FGF14: variants seen among roughly 807,000 people sequenced by gnomAD.
The protein encoded by FGF14 is fibroblast growth factor homologous factor 4.
Under a neutral mutation model 25.5 loss-of-function variants are expected in FGF14, and 5 were observed. The observed-to-expected ratio is 0.20, with a 90% CI of 0.10 to 0.41. The LOEUF is 0.41. FGF14 is among the 10% of genes least tolerant of loss of function. The probability of loss-of-function intolerance (pLI) is 1.00; values close to 1 mark genes in which losing one functional copy is unlikely to be tolerated. For missense variants in FGF14, 222 were observed against 320.1 expected (o/e 0.69, Z 2.34); for synonymous variants, 138 against 118.3 (o/e 1.17, Z -1.08).
intron 1 of FGF14, among the ~76,000 whole-genome samples, chr13:102,378,613 A>ATCTC (rs1566973625): frequency 2.3e-5 from 3 of 131,836 alleles, no homozygotes; most frequent in Admixed American, 1.5e-4. Context: ...CTATCTATCT[A>ATCTC]TCTATCTATC....
At chr13:102,207,915 T>A (rs2050004167) in intron 1 of FGF14, among the ~76,000 whole-genome samples, 1 of 152,184 alleles carries the variant, frequency 6.6e-6, no homozygotes, top group Non-Finnish European at 1.5e-5. Context: ...CTAAATCACA[T>A]CAGCTCATAA....
rs189594777 is a variant in FGF14 at position 101,907,038 on chromosome 13, A to C, written c.193+9415T>G. On this transcript the variant is annotated intron_variant, in intron 1 of 4. Transcript: ENST00000376143. ...AAGCAAACTAATATTTTAGTTTGCC[A>C]ATGATTATTTGCTATGATAGTAATT... Among the ~76,000 whole-genome samples the C allele has an allele frequency of 5.3e-4, 81 of 152,266 alleles. 1 individual carries two copies. Among genetic ancestry groups the C allele is most frequent in the South Asian group, 1.9e-3 (9 of 4,818 alleles).
chr13:101,961,156 A>C (rs1178273441), intron 1 of FGF14, among the ~76,000 whole-genome samples: 2 of 152,084 alleles, frequency 1.3e-5, no homozygotes, highest in Non-Finnish European at 2.9e-5. Context: ...CTCTGATGAC[A>C]GTTTCTTTCA....
At chr13:102,011,502 T>C (rs1046487165) in intron 1 of FGF14, among the ~76,000 whole-genome samples, 2 of 151,558 alleles carry the variant, frequency 1.3e-5, no homozygotes, top group African/African-American at 2.4e-5. Flanking sequence ...AGTATGAAGC[T>C]TATCCATAGC....
intron 1 of FGF14, among the ~76,000 whole-genome samples, chr13:101,978,366 C>T (rs183633671): frequency 6.6e-6 from 1 of 152,272 alleles, no homozygotes; most frequent in East Asian, 1.9e-4. Flanking sequence ...TCTGCCTAAT[C>T]TGCATAGGAG....
At chr13:101,738,615 C>T (rs374112347) in intron 3 of FGF14, among the ~76,000 whole-genome samples, 3 of 151,878 alleles carry the variant, frequency 2.0e-5, no homozygotes, top group African/African-American at 7.2e-5. Context: ...AAAGAGAGAC[C>T]CTGAGGAGGG....
chr13:102,252,224 T>A (rs925844493), intron 1 of FGF14, among the ~76,000 whole-genome samples: 7 of 152,196 alleles, frequency 4.6e-5, no homozygotes, highest in African/African-American at 1.7e-4. Flanking sequence ...ATGCACTTTT[T>A]TACATGGCTG....
intron 1 of FGF14, among the ~76,000 whole-genome samples, chr13:102,004,771 C>T (rs1013788742): frequency 1.3e-5 from 2 of 152,082 alleles, no homozygotes; most frequent in African/African-American, 2.4e-5. Context: ...GGCTGTAACC[C>T]CCATGCTGCT....
intron 1 of FGF14, among the ~76,000 whole-genome samples, chr13:102,256,486 A>C (rs988954511): frequency 6.6e-6 from 1 of 152,178 alleles, no homozygotes; most frequent in African/African-American, 2.4e-5. Context: ...TGACAGAGCG[A>C]GACCCTGTCT....
intron 1 of FGF14, among the ~76,000 whole-genome samples, chr13:102,088,344 C>A (rs541048037): frequency 4.6e-5 from 7 of 152,090 alleles, no homozygotes; most frequent in Non-Finnish European, 1.0e-4. Flanking sequence ...CTGTGCTAAG[C>A]AGAGAGAATT....
intron 1 of FGF14, among the ~76,000 whole-genome samples, chr13:102,205,578 AT>A (rs2049868477): frequency 6.6e-6 from 1 of 152,092 alleles, no homozygotes; most frequent in Non-Finnish European, 1.5e-5. Flanking sequence ...GGAGGAATTA[AT>A]AAACCACAGG....
chr13:102,167,066 C>T (rs758610503), intron 1 of FGF14, among the ~76,000 whole-genome samples: 3 of 151,862 alleles, frequency 2.0e-5, no homozygotes. Context: ...TTTGGGAGGC[C>T]GAGGCAGGTG....
At chr13:101,938,149 G>A (rs555551853) in intron 1 of FGF14, among the ~76,000 whole-genome samples, 3 of 152,242 alleles carry the variant, frequency 2.0e-5, no homozygotes, top group South Asian at 2.1e-4. Flanking sequence ...AGTGGGGGTC[G>A]GAATGGTCAA....
rs149823577 is a variant in FGF14, at chr13:102,171,607, T to G, written c.208+229864A>C. ...TTCTCACTTAAATCTTCTGGAAAAA[T>G]TATTCTTTGTGTGAAAAATAAGTAA... is the stretch of plus-strand genomic sequence containing the variant. On this transcript the variant is annotated intron_variant, in intron 1 of 4. Transcript: ENST00000376131. Among the ~76,000 whole-genome samples the G allele has an allele frequency of 2.0e-3, 305 of 152,260 alleles. 3 individuals carry two copies. Among genetic ancestry groups the G allele is most frequent in the African/African-American group, 7.1e-3 (295 of 41,572 alleles).
intron 1 of FGF14, among the ~76,000 whole-genome samples, chr13:102,249,555 T>C (rs908420835): frequency 1.3e-5 from 2 of 151,256 alleles, no homozygotes; most frequent in African/African-American, 4.9e-5. Flanking sequence ...GAGGGGTGTG[T>C]GTGTGTGTGT....
intron 1 of FGF14, among the ~76,000 whole-genome samples, chr13:101,964,042 G>C (rs1207504067): frequency 6.6e-6 from 1 of 152,128 alleles, no homozygotes; most frequent in East Asian, 1.9e-4. Context: ...AAGTCATAAG[G>C]GAATTTATCA....
At chr13:102,155,420 C>T (rs2047284659) in intron 1 of FGF14, among the ~76,000 whole-genome samples, 1 of 152,096 alleles carries the variant, frequency 6.6e-6, no homozygotes, top group South Asian at 2.1e-4. Flanking sequence ...CTACTGGGTA[C>T]ATAACGAAAT....
intron 3 of FGF14, among the ~76,000 whole-genome samples, chr13:101,770,117 T>C (rs1256523782): frequency 1.6e-5 from 2 of 127,180 alleles, no homozygotes; most frequent in Non-Finnish European, 3.7e-5. Context: ...CTAAGAGTGC[T>C]GTAAAAACAT....
chr13:101,853,664 G>A (rs1470589270), intron 3 of FGF14, among the ~76,000 whole-genome samples: 2 of 151,826 alleles, frequency 1.3e-5, no homozygotes, highest in Non-Finnish European at 2.9e-5. Context: ...CTATATTGCC[G>A]AGGCTGATCT....
Sources: allele counts gnomAD v4.1 joint callset (sites outside exome capture counted in the v4.1 genomes callset), GRCh38; gene constraint gnomAD v4.1.1; transcripts MANE v1.5; gene names NCBI Gene and HGNC (gene_info 2026-07-23, HGNC 2026-07-21).